Variants in YEATS2 observed in about 807,000 individuals in gnomAD.
The protein encoded by YEATS2 is YEATS domain-containing protein 2.
In YEATS2, 77 loss-of-function variants were observed where a neutral mutation model predicts 163.2. The ratio of observed to expected loss-of-function variants is 0.47; its 90% CI spans 0.39 to 0.57. The LOEUF is 0.57. YEATS2 is among the 20% of genes least tolerant of loss of function. The pLI, the probability that YEATS2 is intolerant of heterozygous loss-of-function variation, is 0.00. For missense variants in YEATS2, 1,549 were observed against 1,729.8 expected (o/e 0.90, Z 1.85); for synonymous variants, 631 against 645.1 (o/e 0.98, Z 0.33).
chr3:183,750,738 T>C (rs1720076577), intron 9 of YEATS2, among the ~76,000 whole-genome samples: 2 of 152,206 alleles, frequency 1.3e-5, no homozygotes, highest in Non-Finnish European at 2.9e-5. Context: ...TTTGGAGAAA[T>C]GTCTATTCAG....
In YEATS2 at chr3:183,755,753, T is replaced by C. The variant is rs1162239915; in HGVS notation, c.1391-775T>C. Among the ~76,000 whole-genome samples, 5 of 135,142 alleles carry C rather than the reference T, an allele frequency of 3.7e-5. No individual in the cohort carries two copies. The East Asian group carries it at 8.7e-4, about 23-fold the overall frequency. The allele number at this position is 135,142 out of a possible 152,430, so 88.7% of individuals were successfully genotyped here. A position where few individuals can be genotyped will look rare whatever the true frequency, so the allele number is the denominator to read the frequency against. On this transcript the variant is annotated intron_variant, in intron 11 of 30. Transcript: ENST00000305135. The stretch of plus-strand genomic sequence containing the variant: ...TCTTCCTTCCTTTCTTTTTTTTTTT[T>C]TTTTTTTTTTTTTTTTTGAGACAGA...
intron 5 of YEATS2, among the ~76,000 whole-genome samples, chr3:183,723,262 C>A (rs1362424256): frequency 6.6e-6 from 1 of 152,202 alleles, no homozygotes; most frequent in African/African-American, 2.4e-5. Flanking sequence ...TCAAGCTACT[C>A]TGAACTTCTT....
At chr3:183,789,054 C>T (rs2108472428) in intron 20 of YEATS2, among the ~76,000 whole-genome samples, 1 of 152,198 alleles carries the variant, frequency 6.6e-6, no homozygotes. Flanking sequence ...TGTAGTTTGC[C>T]AGTATTTCCT....
chr3:183,747,567 A>G (rs1719678759), intron 8 of YEATS2, 105 bp from the exon 9 acceptor site: 12 of 795,536 alleles, frequency 1.5e-5, no homozygotes, highest in East Asian at 2.8e-5. Context: ...AGTAGATCCT[A>G]TGGTATGAAG....
intron 19 of YEATS2, among the ~76,000 whole-genome samples, chr3:183,780,939 C>T (rs778978378): frequency 6.6e-5 from 10 of 152,056 alleles, no homozygotes; most frequent in Non-Finnish European, 1.3e-4. Flanking sequence ...ATCCAATGTG[C>T]TTCATTCTGT....
intron 21 of YEATS2, among the ~76,000 whole-genome samples, chr3:183,796,253 C>T (rs1442172210): frequency 2.0e-5 from 3 of 151,380 alleles, no homozygotes; most frequent in Non-Finnish European, 4.4e-5. Context: ...CTGCCTCAGC[C>T]TCCCAAAGTG....
intron 8 of YEATS2, among the ~76,000 whole-genome samples, chr3:183,737,912 T>C (rs554064517): frequency 1.4e-3 from 210 of 152,370 alleles, no homozygotes; most frequent in Non-Finnish European, 2.3e-3. Context: ...GTCAGACAAC[T>C]CTGTGAGTAC....
intron 23 of YEATS2, 152 bp downstream of exon 23, chr3:183,799,141 A>G (rs1166176994): frequency 1.5e-6 from 1 of 677,354 alleles, no homozygotes; most frequent in Non-Finnish European, 2.6e-6. Context: ...GTCACTTGGC[A>G]AATATGTCCT....
At chr3:183,721,778 T>G (rs908822520) in intron 4 of YEATS2, 113 bp from the exon 5 acceptor site, 7 of 1,401,584 alleles carry the variant, frequency 5.0e-6, no homozygotes, top group Non-Finnish European at 6.8e-6. Flanking sequence ...GGGGAGATTT[T>G]GAAAGATTTT....
chr3:183,779,134 C>T (rs1723303919), intron 19 of YEATS2, among the ~76,000 whole-genome samples: 1 of 152,102 alleles, frequency 6.6e-6, no homozygotes, highest in African/African-American at 2.4e-5. Context: ...TGGTCTCGAA[C>T]TCCTGACCTC....
intron 28 of YEATS2, chr3:183,807,774 C>T: frequency 2.5e-6 from 1 of 396,502 alleles, no homozygotes; most frequent in East Asian, 4.7e-5. Context: ...ACCATGTTCT[C>T]CCACGAAGGA....
intron 1 of YEATS2, among the ~76,000 whole-genome samples, chr3:183,702,409 C>T (rs566648513): frequency 1.2e-4 from 19 of 152,178 alleles, no homozygotes; most frequent in African/African-American, 4.6e-4. Flanking sequence ...CGTGCCATTG[C>T]ACTCCAGCCT....
chr3:183,797,067 G>A (rs1300367609), intron 21 of YEATS2, among the ~76,000 whole-genome samples: 5 of 151,908 alleles, frequency 3.3e-5, no homozygotes, highest in African/African-American at 9.7e-5. Context: ...TTGGGAGTTC[G>A]AGACCAGCCT....
chr3:183,807,044 C>T lies in YEATS2; in HGVS notation c.3963C>T (p.Tyr1321=), dbSNP rs1333103955. Residue 1321 remains tyrosine (Y), a synonymous_variant, in exon 28 of 31, where the codon TAC becomes TAT. Transcript: ENST00000305135. Reference sequence around the variant, plus strand: ...AGAAACAAGAGGAAGTCAAGTTCTACCTGCCACCAACCCCAGGGTCTGAAT... The same window carrying T: ...AGAAACAAGAGGAAGTCAAGTTCTATCTGCCACCAACCCCAGGGTCTGAAT... The part of the protein sequence containing the change: ...QEEKQEEVKF[Y]LPPTPGSEFI... The T allele has an allele frequency of 6.2e-7, 1 of 1,613,986 alleles. No individual in the cohort carries two copies. The highest frequency in any genetic ancestry group is 8.5e-7 in the Non-Finnish European group (1 of 1,180,028).
intron 29 of YEATS2, 154 bp from the exon 30 acceptor site, chr3:183,808,943 G>A (rs950964712): frequency 1.6e-6 from 1 of 621,588 alleles, no homozygotes; most frequent in Non-Finnish European, 2.9e-6. Context: ...TATCATTATG[G>A]TCTATTATTG....
intron 13 of YEATS2, 72 bp downstream of exon 13, chr3:183,759,037 A>G (rs1721067840): frequency 4.6e-6 from 5 of 1,094,422 alleles, no homozygotes; most frequent in Non-Finnish European, 6.5e-6. Context: ...TAATTTTTCA[A>G]ATGGAGATGG....
At chr3:183,707,159 C>T (rs909012563) in intron 1 of YEATS2, among the ~76,000 whole-genome samples, 1 of 152,110 alleles carries the variant, frequency 6.6e-6, no homozygotes, top group Non-Finnish European at 1.5e-5. Flanking sequence ...TGGTCCCAGG[C>T]ATCTTGGGTA....
In YEATS2 at chr3:183,811,568, TGGA is replaced by T. The variant is rs1295119523; in HGVS notation, c.*987_*989del. 6.5e-6 allele frequency: 1 copy of T among 152,690 alleles called. No homozygotes were observed. The highest frequency in any genetic ancestry group is 2.4e-5 in the African/African-American group (1 of 41,440). 9.5% of individuals were successfully genotyped at this position (152,690 alleles called of 1,614,324 possible). On this transcript the variant is annotated 3_prime_UTR_variant, in exon 31 of 31. Coordinates refer to ENST00000305135, the MANE Select transcript of YEATS2 (RefSeq NM_018023.5). ...GAAATACCAGTGAGTGCCTTAAAGT[TGGA>T]GAAGTAACTGCCCATGCCCAGAAAT...
intron 6 of YEATS2, 110 bp from the exon 7 acceptor site, chr3:183,728,580 A>T: frequency 2.9e-6 from 3 of 1,042,112 alleles, no homozygotes; most frequent in Non-Finnish European, 4.0e-6. Context: ...TGTAGTTGTT[A>T]AATATTGCAG....
Sources: allele counts gnomAD v4.1 joint callset (sites outside exome capture counted in the v4.1 genomes callset), GRCh38; gene constraint gnomAD v4.1.1; transcripts MANE v1.5; gene names NCBI Gene and HGNC (gene_info 2026-07-23, HGNC 2026-07-21).